RPS6KA6: variants seen among roughly 807,000 people sequenced by gnomAD.
RPS6KA6 encodes ribosomal protein S6 kinase A6, also known as ribosomal protein S6 kinase alpha-6.
RPS6KA6 carries 27 observed loss-of-function variants against 65.4 expected under a neutral mutation model. The observed-to-expected ratio is 0.41, with a 90% confidence interval of 0.30 to 0.57. RPS6KA6 has a LOEUF of 0.57. RPS6KA6 is among the 20% of genes least tolerant of loss of function. The pLI, the probability that RPS6KA6 is intolerant of heterozygous loss-of-function variation, is 0.24. For synonymous variants in RPS6KA6, 190 were observed against 184.2 expected, an observed-to-expected ratio of 1.03 and a Z score of -0.26; for missense variants, 486 against 555.6, an observed-to-expected ratio of 0.87 and a Z score of 1.26.
At chrX:84,100,423 T>C (rs185094638) in intron 18 of RPS6KA6, among the ~76,000 whole-genome samples, 1 of 111,545 alleles carries the variant, frequency 9.0e-6, no homozygotes, top group East Asian at 2.8e-4. Flanking sequence ...TTAATGTCTG[T>C]TGTTGATATG....
intron 12 of RPS6KA6, among the ~76,000 whole-genome samples, chrX:84,111,526 G>A (rs2034470360): frequency 8.9e-6 from 1 of 111,738 alleles, no homozygotes; most frequent in African/African-American, 3.3e-5. Context: ...GAAGAGAATG[G>A]GGACCTAATT....
intron 1 of RPS6KA6, among the ~76,000 whole-genome samples, chrX:84,179,879 T>C (rs2035825685): frequency 8.9e-6 from 1 of 112,221 alleles, no homozygotes; most frequent in Non-Finnish European, 1.9e-5. Context: ...TCCAACAGCA[T>C]TCATTCATCA....
intron 2 of RPS6KA6, among the ~76,000 whole-genome samples, chrX:84,161,101 T>G (rs1247369142): frequency 9.0e-6 from 1 of 111,033 alleles, no homozygotes; most frequent in Non-Finnish European, 1.9e-5. Context: ...CCACAAAACA[T>G]CCATAAAAAT....
At chrX:84,127,011 AG>A (rs777730976) in intron 8 of RPS6KA6, among the ~76,000 whole-genome samples, 2 of 111,808 alleles carry the variant, frequency 1.8e-5, no homozygotes, top group African/African-American at 6.5e-5. Context: ...ATTTTAAATG[AG>A]GAAAATAATA....
At chrX:84,187,733 C>T (rs1238665993) in intron 1 of RPS6KA6, 86 bp downstream of exon 1, 5 of 953,087 alleles carry the variant, frequency 5.2e-6, no homozygotes, top group East Asian at 7.4e-5. Flanking sequence ...CCCGGCCCTA[C>T]GCCTCTCCTC....
chrX:84,152,948 C>G (rs751889851), intron 3 of RPS6KA6, among the ~76,000 whole-genome samples: 9 of 111,518 alleles, frequency 8.1e-5, no homozygotes, highest in Non-Finnish European at 1.5e-4. Flanking sequence ...TTCAGTCACC[C>G]TAATCCAATC....
At chrX:84,077,275 C>T (rs756618831) in intron 20 of RPS6KA6, among the ~76,000 whole-genome samples, 1 of 110,754 alleles carries the variant, frequency 9.0e-6, no homozygotes, top group South Asian at 3.8e-4. Flanking sequence ...ATGCAAAGCA[C>T]CCAAAATAGC....
intron 1 of RPS6KA6, among the ~76,000 whole-genome samples, chrX:84,182,331 T>C (rs1396195051): frequency 9.0e-6 from 1 of 111,240 alleles, no homozygotes; most frequent in Non-Finnish European, 1.9e-5. Flanking sequence ...CAGTAAATAA[T>C]CCTTGGAAAT....
At chrX:84,159,074 ATGTG>A (rs750632753) in intron 2 of RPS6KA6, among the ~76,000 whole-genome samples, 6 of 109,201 alleles carry the variant, frequency 5.5e-5, no homozygotes, top group Non-Finnish European at 7.6e-5. Context: ...ACATATACAC[ATGTG>A]TGTATGTGTT....
intron 8 of RPS6KA6, among the ~76,000 whole-genome samples, chrX:84,131,145 A>C (rs1173668317): frequency 8.9e-6 from 1 of 111,914 alleles, no homozygotes. Flanking sequence ...CAGTCAAGAC[A>C]CGGGATAGTC....
chrX:84,076,070 A>T (rs1052901604), intron 20 of RPS6KA6, among the ~76,000 whole-genome samples: 1 of 111,200 alleles, frequency 9.0e-6, no homozygotes, highest in African/African-American at 3.3e-5. Flanking sequence ...TGTGTTTGAC[A>T]ATGGACAAAT....
chrX:84,077,820 T>A (rs1273075358), intron 20 of RPS6KA6, among the ~76,000 whole-genome samples: 7 of 111,803 alleles, frequency 6.3e-5, no homozygotes, highest in Non-Finnish European at 1.1e-4. Flanking sequence ...TGCACATTGC[T>A]AGCCCAGGAA....
intron 9 of RPS6KA6, among the ~76,000 whole-genome samples, chrX:84,118,710 T>A (rs995516838): frequency 1.8e-5 from 2 of 112,068 alleles, no homozygotes; most frequent in Non-Finnish European, 3.8e-5. Flanking sequence ...TCTAATTTGC[T>A]ACCAAGGTTA....
At chrX:84,160,136 C>T (rs772566244) in intron 2 of RPS6KA6, among the ~76,000 whole-genome samples, 82 of 111,306 alleles carry the variant, frequency 7.4e-4, no homozygotes, top group African/African-American at 2.6e-3. Context: ...TAAATAAGGA[C>T]CCCTAGTCTT....
At chrX:84,114,383 G>A (rs1240560804) in intron 12 of RPS6KA6, among the ~76,000 whole-genome samples, 2 of 110,307 alleles carry the variant, frequency 1.8e-5, no homozygotes, top group Non-Finnish European at 3.8e-5. Flanking sequence ...AGCTGCTCAG[G>A]AGGCTGAAGT....
chrX:84,186,863 G>C (rs2035934119), intron 1 of RPS6KA6: 1 of 111,177 alleles, frequency 9.0e-6, no homozygotes, highest in Admixed American at 9.6e-5. Context: ...TATCAGAAAA[G>C]GATCCAACTT....
chrX:84,078,260 A>C (rs1225429330), intron 20 of RPS6KA6, among the ~76,000 whole-genome samples: 4 of 112,283 alleles, frequency 3.6e-5, no homozygotes, highest in Non-Finnish European at 7.5e-5. Flanking sequence ...AAATAGTATC[A>C]CACACCTTTT....
intron 20 of RPS6KA6, among the ~76,000 whole-genome samples, chrX:84,094,210 C>T (rs2034103903): frequency 9.3e-6 from 1 of 107,652 alleles, no homozygotes; most frequent in Non-Finnish European, 1.9e-5. Context: ...TGAGGCATCT[C>T]ACTTAGCTGT....
At chrX:84,163,690 T>C (rs2035553980) in intron 2 of RPS6KA6, among the ~76,000 whole-genome samples, 1 of 107,900 alleles carries the variant, frequency 9.3e-6, no homozygotes, top group Admixed American at 9.9e-5. Context: ...TGAAAATATC[T>C]ATAGAAATAA....
Sources: gnomAD v4.1 joint callset for allele counts (sites outside exome capture counted in the v4.1 genomes callset) on GRCh38, gnomAD v4.1.1 for gene constraint, MANE v1.5 for transcripts, NCBI Gene and HGNC (gene_info 2026-07-23, HGNC 2026-07-21) for gene names.